The following MDGA2 variants were observed in gnomAD, a reference collection of about 807,000 sequenced individuals.
The protein encoded by MDGA2 is MAM domain containing glycosylphosphatidylinositol anchor 2.
MDGA2 carries 40 observed loss-of-function variants against 117.8 expected under a neutral mutation model. The ratio of observed to expected loss-of-function variants is 0.34; its 90% CI spans 0.26 to 0.44. The LOEUF is 0.44. Among genes scored for constraint, MDGA2 ranks in the 20% least tolerant of loss-of-function variants. The pLI is 1.00. For synonymous variants in MDGA2, 452 were observed against 439.0 expected (o/e 1.03, Z -0.37); for missense variants, 1,123 against 1,250.6 (o/e 0.90, Z 1.54).
At position 46,925,393 on chromosome 14, in the gene MDGA2, A is replaced by T. The variant is rs1261014456; in HGVS notation, c.2090-5233T>A. On this transcript the variant is annotated intron_variant, in intron 9 of 16. Transcript: ENST00000399232. ...ACGCCTGTAATCCCAGCACTTTGGG[A>T]GGTCAAGGTGGGAGGATCACTTGAG... is the stretch of plus-strand genomic sequence containing the variant. 2.0e-5 allele frequency among the ~76,000 whole-genome samples: 3 copies of T among 152,180 alleles called. No individual in the cohort carries two copies. The East Asian group carries it at 5.8e-4, about 29-fold the overall frequency.
In MDGA2 at chr14:47,224,813, G is replaced by C. The variant is rs1487850651; in HGVS notation, c.421-6618C>G. Among the ~76,000 whole-genome samples, 4 of 152,136 alleles carry C rather than the reference G, an allele frequency of 2.6e-5. No homozygotes were observed. The East Asian group carries it at 7.7e-4, about 29-fold the overall frequency. On this transcript the variant is annotated intron_variant, in intron 2 of 16. Coordinates refer to ENST00000399232, the MANE Select transcript of MDGA2 (RefSeq NM_001113498.3). ...AATGGTACGTAATTATTAATAGGCA[G>C]AGTTTATTAGAGTTTTCAAAATAAA...
At chr14:47,051,409 A>G (rs1019937048) in intron 7 of MDGA2, among the ~76,000 whole-genome samples, 2 of 151,990 alleles carry the variant, frequency 1.3e-5, no homozygotes, top group African/African-American at 4.8e-5. Context: ...CATGTTCCAT[A>G]AAGGCACCAT....
chr14:47,507,055 T>C (rs1230216244), intron 1 of MDGA2, among the ~76,000 whole-genome samples: 1 of 151,746 alleles, frequency 6.6e-6, no homozygotes, highest in Non-Finnish European at 1.5e-5. Flanking sequence ...GTTACTTCAC[T>C]AGAATTTGAT....
At chr14:47,640,066 A>C (rs1277383600) in intron 1 of MDGA2, among the ~76,000 whole-genome samples, 1 of 152,190 alleles carries the variant, frequency 6.6e-6, no homozygotes, top group African/African-American at 2.4e-5. Context: ...GAACTATAGC[A>C]AGCTTCCTAT....
chr14:46,887,099 A>G (rs1227510007), intron 10 of MDGA2, among the ~76,000 whole-genome samples: 1 of 152,086 alleles, frequency 6.6e-6, no homozygotes. Flanking sequence ...CCACCTCATT[A>G]CTATTAGTAG....
intron 1 of MDGA2, among the ~76,000 whole-genome samples, chr14:47,496,423 T>G (rs1027448758): frequency 6.6e-6 from 1 of 152,164 alleles, no homozygotes; most frequent in African/African-American, 2.4e-5. Context: ...TTAAATATTT[T>G]TGTAGAAATG....
At chr14:47,403,574 A>G (rs1482466656) in intron 1 of MDGA2, among the ~76,000 whole-genome samples, 1 of 151,998 alleles carries the variant, frequency 6.6e-6, no homozygotes, top group East Asian at 1.9e-4. Context: ...CATTGTCTCA[A>G]CTCATATCCT....
chr14:47,665,608 C>A (rs931667797), intron 1 of MDGA2, among the ~76,000 whole-genome samples: 4 of 152,166 alleles, frequency 2.6e-5, no homozygotes, highest in African/African-American at 9.7e-5. Context: ...GTGGGCTTGG[C>A]GGCCCTGCAC....
chr14:47,239,523 T>C (rs1438201078), intron 2 of MDGA2, among the ~76,000 whole-genome samples: 4 of 151,822 alleles, frequency 2.6e-5, no homozygotes, highest in African/African-American at 7.2e-5. Flanking sequence ...GCTTCTTTCA[T>C]AGAAAACAGA....
intron 1 of MDGA2, among the ~76,000 whole-genome samples, chr14:47,333,813 A>G (rs1294755875): frequency 2.0e-5 from 3 of 151,992 alleles, no homozygotes; most frequent in Middle Eastern, 3.4e-3. Flanking sequence ...ATAAAATTCT[A>G]TTTTGACTTG....
chr14:47,407,855 T>A (rs1238974696), intron 1 of MDGA2, among the ~76,000 whole-genome samples: 4 of 152,074 alleles, frequency 2.6e-5, no homozygotes, highest in African/African-American at 9.7e-5. Flanking sequence ...ACAAAACAGG[T>A]GCAGATTCTT....
rs1289521310 is a variant in MDGA2, at chr14:47,542,544, AG to A, written c.280+131972del. On this transcript the variant is annotated intron_variant, in intron 1 of 16. Transcript: ENST00000399232. The stretch of plus-strand genomic sequence containing the variant: ...GCTTTTTCAGTTTTTATTTAATTTT[AG>A]TGATATTTATACTCTTACTGGTAAA... 3.9e-5 allele frequency among the ~76,000 whole-genome samples: 6 copies of A among 152,152 alleles called. No homozygotes were observed. The South Asian group carries it at 6.2e-4, about 16-fold the overall frequency.
chr14:47,303,226 T>G (rs1222141538), intron 1 of MDGA2, among the ~76,000 whole-genome samples: 1 of 152,174 alleles, frequency 6.6e-6, no homozygotes, highest in Non-Finnish European at 1.5e-5. Flanking sequence ...TTCTGGGTAT[T>G]ATATTCGTTG....
At chr14:47,214,231 CCAA>C (rs973654860) in intron 3 of MDGA2, among the ~76,000 whole-genome samples, 2 of 151,848 alleles carry the variant, frequency 1.3e-5, no homozygotes, top group African/African-American at 2.4e-5. Context: ...GCGATTTACC[CCAA>C]CAACAACAAC....
chr14:47,373,236 C>G (rs576580144), intron 1 of MDGA2, among the ~76,000 whole-genome samples: 1 of 151,954 alleles, frequency 6.6e-6, no homozygotes, highest in Non-Finnish European at 1.5e-5. Context: ...ATTCAATTAG[C>G]TTTGGGAAAA....
chr14:47,311,299 C>T (rs17672618), intron 1 of MDGA2, among the ~76,000 whole-genome samples: 13,531 of 152,166 alleles, frequency 0.089, 730 homozygotes, highest in Non-Finnish European at 0.11. Flanking sequence ...TCCAGCCTAA[C>T]TCATCAAGAA....
rs550973882 is a variant in MDGA2 at position 46,902,771 on chromosome 14, G to T, written c.2238+17241C>A. 2.6e-5 allele frequency among the ~76,000 whole-genome samples: 4 copies of T among 152,246 alleles called. No individual in the cohort carries two copies. In the East Asian group the frequency reaches 7.7e-4, roughly 29 times the overall value. ...TGTATGTTCAAGGTAATGCTATCTAGAATTTTATGGTAGAGAATATAAGCA... is the reference window on the plus strand; with the variant it reads ...TGTATGTTCAAGGTAATGCTATCTATAATTTTATGGTAGAGAATATAAGCA... On this transcript the variant is annotated intron_variant, in intron 10 of 16. Coordinates refer to ENST00000399232, the MANE Select transcript of MDGA2 (RefSeq NM_001113498.3).
At chr14:47,049,909 C>T (rs952908991) in intron 7 of MDGA2, among the ~76,000 whole-genome samples, 1 of 151,978 alleles carries the variant, frequency 6.6e-6, no homozygotes, top group African/African-American at 2.4e-5. Context: ...AATCATTGCT[C>T]TGCAACCTTT....
chr14:47,201,103 A>G (rs1885490912), intron 3 of MDGA2: 1 of 819,714 alleles, frequency 1.2e-6, no homozygotes, highest in South Asian at 1.3e-5. Flanking sequence ...CACCTCCGCC[A>G]TCTTCGGCAG....
Sources: allele counts gnomAD v4.1 joint callset (sites outside exome capture counted in the v4.1 genomes callset), GRCh38; gene constraint gnomAD v4.1.1; transcripts MANE v1.5; gene names NCBI Gene and HGNC (gene_info 2026-07-23, HGNC 2026-07-21).